FUT8: variants seen among roughly 807,000 people sequenced by gnomAD.
FUT8 encodes alpha-(1,6)-fucosyltransferase.
In FUT8, 29 loss-of-function variants were observed where a neutral mutation model predicts 71.3. The ratio of observed to expected loss-of-function variants is 0.41; its 90% CI spans 0.30 to 0.55. FUT8 has a LOEUF of 0.55. FUT8 is among the 20% of genes least tolerant of loss of function. FUT8 has a pLI of 0.34. For missense variants in FUT8, 544 were observed against 702.1 expected (o/e 0.77, Z 2.55); for synonymous variants, 254 against 239.3 (o/e 1.06, Z -0.57).
At chr14:65,531,810 C>CT (rs1028393656) in intron 2 of FUT8, among the ~76,000 whole-genome samples, 56 of 152,188 alleles carry the variant, frequency 3.7e-4, no homozygotes, top group African/African-American at 1.3e-3. Flanking sequence ...TCTATTGTTC[C>CT]TTTCGTTGTG....
intron 3 of FUT8, among the ~76,000 whole-genome samples, chr14:65,573,570 G>A (rs547014121): frequency 6.6e-6 from 1 of 151,920 alleles, no homozygotes; most frequent in East Asian, 1.9e-4. Context: ...TACAAAAGGG[G>A]GTCCACGTTG....
intron 2 of FUT8, among the ~76,000 whole-genome samples, chr14:65,536,957 C>T (rs1950763116): frequency 7.2e-6 from 1 of 138,264 alleles, no homozygotes; most frequent in Admixed American, 7.6e-5. Context: ...TTTTGTTCTT[C>T]ATCTTCTTCT....
At chr14:65,558,325 C>CAA (rs67556145) in intron 2 of FUT8, among the ~76,000 whole-genome samples, 146 of 118,182 alleles carry the variant, frequency 1.2e-3, no homozygotes, top group African/African-American at 4.3e-3. Context: ...GAGCGAGACT[C>CAA]AAAAAAAAAA....
the FUT8 span, among the ~76,000 whole-genome samples, chr14:65,396,174 C>A: frequency 6.6e-6 from 1 of 152,240 alleles, no homozygotes. This position sits in a 1 kb window ranked among gnomAD's most constrained non-coding sequence, Gnocchi z 5.5. Context: ...GACTTTCCCA[C>A]ATTTTCGTCT....
rs948915802 is a variant in FUT8, at chr14:65,449,067, G to C, written c.-325-6554G>C. 2.0e-5 allele frequency among the ~76,000 whole-genome samples: 3 copies of C among 152,266 alleles called. No individual in the cohort carries two copies. The East Asian group carries it at 5.8e-4, about 29-fold the overall frequency. ...AAACAGAACTTACAAATTTAGGACA[G>C]ATTTACCTAGACCATTATGAATAAA... is the stretch of plus-strand genomic sequence containing the variant. On this transcript the variant is annotated intron_variant, in intron 1 of 10. Transcript: ENST00000673929.
intron 7 of FUT8, among the ~76,000 whole-genome samples, chr14:65,705,243 G>A (rs1158684641): frequency 6.6e-6 from 1 of 152,126 alleles, no homozygotes; most frequent in African/African-American, 2.4e-5. Flanking sequence ...ACAGGCCACA[G>A]TGGCTGAAAA....
At chr14:65,576,696 C>CTTTTTTTTTTTTTTTTTT (rs376473739) in intron 3 of FUT8, among the ~76,000 whole-genome samples, 13 of 96,214 alleles carry the variant, frequency 1.4e-4, no homozygotes, top group Non-Finnish European at 1.8e-4. Flanking sequence ...GCCCAGCTTG[C>CTTTTTTTTTTTTTTTTTT]TTTTTTTTTT....
At chr14:65,613,373 A>C (rs1310597199) in intron 3 of FUT8, among the ~76,000 whole-genome samples, 1 of 152,194 alleles carries the variant, frequency 6.6e-6, no homozygotes, top group African/African-American at 2.4e-5. Context: ...ATTGTTTCCT[A>C]GAAACCAGCC....
intron 6 of FUT8, among the ~76,000 whole-genome samples, chr14:65,629,829 T>TACACACACACACACACAC (rs3079115): frequency 1.1e-4 from 16 of 148,100 alleles, no homozygotes; most frequent in African/African-American, 3.7e-4. Context: ...CTTACACACG[T>TACACACACACACACACAC]ACACACACAC....
chr14:65,535,320 C>T (rs921007490), intron 2 of FUT8, among the ~76,000 whole-genome samples: 10 of 152,100 alleles, frequency 6.6e-5, no homozygotes, highest in East Asian at 1.9e-4. Context: ...AGTCTGATCT[C>T]GAACTCCTGG....
intron 3 of FUT8, among the ~76,000 whole-genome samples, chr14:65,586,393 C>T (rs1012064492): frequency 2.0e-5 from 3 of 152,294 alleles, no homozygotes; most frequent in Middle Eastern, 3.4e-3. Context: ...AATAGGCAGG[C>T]ATTCCCAAAT....
intron 6 of FUT8, among the ~76,000 whole-genome samples, chr14:65,632,873 C>T (rs1341422193): frequency 1.3e-5 from 2 of 152,096 alleles, no homozygotes; most frequent in African/African-American, 4.8e-5. Flanking sequence ...GTCCTTATTC[C>T]ATCTTGAGTT....
chr14:65,574,322 T>G lies in FUT8; in HGVS notation c.203+12556T>G, dbSNP rs1886642818. On this transcript the variant is annotated intron_variant, in intron 3 of 10. Transcript: ENST00000673929. The surrounding 1 kb of genome is among the most constrained non-coding windows in gnomAD (Gnocchi z 5.2). ...ATCATCTTTGCAATATTCTATTGATTAGAGCAAATCACAGGTCCCATTTAC... is the reference window on the plus strand; with the variant it reads ...ATCATCTTTGCAATATTCTATTGATGAGAGCAAATCACAGGTCCCATTTAC... Among the ~76,000 whole-genome samples the G allele has an allele frequency of 6.6e-6, 1 of 152,146 alleles. No homozygotes were observed.
the FUT8 span, among the ~76,000 whole-genome samples, chr14:65,357,052 T>G: frequency 6.6e-6 from 1 of 152,240 alleles, no homozygotes; most frequent in Admixed American, 6.5e-5. Context: ...CCATGAGTAC[T>G]TACTCTGGCG....
chr14:65,707,973 G>A (rs1258795350), intron 7 of FUT8, among the ~76,000 whole-genome samples: 1 of 152,128 alleles, frequency 6.6e-6, no homozygotes, highest in Non-Finnish European at 1.5e-5. Flanking sequence ...TCATACATAT[G>A]TTAGGATTGT....
chr14:65,592,481 A>G (rs1269147658), intron 3 of FUT8, among the ~76,000 whole-genome samples: 1 of 152,090 alleles, frequency 6.6e-6, no homozygotes, highest in African/African-American at 2.4e-5. Context: ...TATTAGATAG[A>G]TAGATATATT....
chr14:65,562,049 C>T (rs938305231), intron 3 of FUT8, among the ~76,000 whole-genome samples: 2 of 151,830 alleles, frequency 1.3e-5, no homozygotes, highest in African/African-American at 2.4e-5. Flanking sequence ...TTTTTTTAAG[C>T]TCATCAGCTA....
chr14:65,490,190 C>T (rs1455127947), intron 2 of FUT8, among the ~76,000 whole-genome samples: 1 of 151,916 alleles, frequency 6.6e-6, no homozygotes, highest in Non-Finnish European at 1.5e-5. Context: ...TCTCTTTCAC[C>T]CCCACCCCAA....
At chr14:65,445,009 A>C (rs2065717617) in intron 1 of FUT8, among the ~76,000 whole-genome samples, 1 of 152,104 alleles carries the variant, frequency 6.6e-6, no homozygotes, top group Non-Finnish European at 1.5e-5. Context: ...TTCAAGATCA[A>C]CCAGGCCAAG....
Sources: gnomAD v4.1 joint callset for allele counts (sites outside exome capture counted in the v4.1 genomes callset) on GRCh38, gnomAD v4.1.1 for gene constraint, Gnocchi (gnomAD v3.1) non-coding constraint, MANE v1.5 for transcripts, NCBI Gene and HGNC (gene_info 2026-07-23, HGNC 2026-07-21) for gene names.